TEKT5: variants seen among roughly 807,000 people sequenced by gnomAD.
TEKT5 encodes tektin 5, also known as tektin-5.
In TEKT5, 52 loss-of-function variants were observed where a neutral mutation model predicts 48.7. The observed-to-expected ratio is 1.07, with a 90% CI of 0.86 to 1.35. The LOEUF (loss-of-function observed/expected upper bound fraction) is 1.35. TEKT5 is among the 40% of genes most tolerant of loss of function. The probability of loss-of-function intolerance (pLI) is 0.00; values close to 1 mark genes in which losing one functional copy is unlikely to be tolerated. For synonymous variants in TEKT5, 318 were observed against 267.6 expected, an observed-to-expected ratio of 1.19 and a Z score of -1.84; for missense variants, 831 against 641.6, an observed-to-expected ratio of 1.30 and a Z score of -3.19.
At chr16:10,629,396 A>AC (rs553588102) in intron 6 of TEKT5, among the ~76,000 whole-genome samples, 4 of 152,160 alleles carry the variant, frequency 2.6e-5, no homozygotes, top group African/African-American at 9.6e-5. Context: ...GATTACAGGC[A>AC]CGTGCCGCCA....
In TEKT5 at chr16:10,636,811, C is replaced by CATTATTATTATTATTATT. The variant is rs143109867; in HGVS notation, c.1087-911_1087-894dup. 3.5e-3 allele frequency among the ~76,000 whole-genome samples: 517 copies of CATTATTATTATTATTATT among 147,174 alleles called. 3 individuals carry two copies. Among genetic ancestry groups the CATTATTATTATTATTATT allele is most frequent in the African/African-American group, 0.011 (447 of 39,630 alleles). On this transcript the variant is annotated intron_variant, in intron 5 of 6. Transcript: ENST00000283025. ...AAACTCTGGATCTGTATGTATTTTCCATTATTATTATTATTATTATTTTGA... is the reference window on the plus strand; with the variant it reads ...AAACTCTGGATCTGTATGTATTTTCCATTATTATTATTATTATTATTATTATTATTATTATTATTTTGA...
At chr16:10,645,467 C>T (rs1898056039) in intron 5 of TEKT5, among the ~76,000 whole-genome samples, 1 of 152,048 alleles carries the variant, frequency 6.6e-6, no homozygotes, top group African/African-American at 2.4e-5. Context: ...AGCCGTGATG[C>T]ACCACTGCAC....
chr16:10,678,318 G>C (rs1009715995), intron 4 of TEKT5, among the ~76,000 whole-genome samples: 7 of 152,190 alleles, frequency 4.6e-5, no homozygotes, highest in African/African-American at 1.7e-4. Context: ...AGGATGGTCT[G>C]GATCTCTTGA....
rs1305420331 is a variant in TEKT5, at chr16:10,627,518, TTTTAC to T, written c.*60_*64del. 1.9e-6 allele frequency: 3 copies of T among 1,542,568 alleles called. No homozygotes were observed. The highest frequency in any genetic ancestry group is 8.9e-7 in the Non-Finnish European group (1 of 1,119,464). ...GTCGGCCCTTTCAAACAAAATACTGTTTTACTTTGTTTCTCAGCCTTTTCCAATTT... is the reference window on the plus strand; with the variant it reads ...GTCGGCCCTTTCAAACAAAATACTGTTTTGTTTCTCAGCCTTTTCCAATTT... On this transcript the variant is annotated 3_prime_UTR_variant, in exon 7 of 7. Transcript: ENST00000283025.
At chr16:10,659,587 G>T (rs954955595) in intron 5 of TEKT5, among the ~76,000 whole-genome samples, 4 of 152,078 alleles carry the variant, frequency 2.6e-5, no homozygotes, top group South Asian at 2.1e-4. Context: ...CACCATGTTA[G>T]CCTGACCTCG....
At chr16:10,658,725 T>TTTC (rs1555466065) in intron 5 of TEKT5, among the ~76,000 whole-genome samples, 23 of 129,816 alleles carry the variant, frequency 1.8e-4, no homozygotes, top group South Asian at 2.2e-4. Context: ...TTTCTTTTTC[T>TTTC]TTTTTTTTTT....
At chr16:10,679,471 G>T (rs1898706971) in intron 4 of TEKT5, among the ~76,000 whole-genome samples, 1 of 149,320 alleles carries the variant, frequency 6.7e-6, no homozygotes, top group South Asian at 2.1e-4. Flanking sequence ...AAAAAAAAAA[G>T]GTGTCTACTG....
intron 5 of TEKT5, among the ~76,000 whole-genome samples, chr16:10,641,799 G>A (rs1192411353): frequency 2.6e-5 from 4 of 152,212 alleles, no homozygotes; most frequent in Non-Finnish European, 5.9e-5. Context: ...CCCAGCCTGG[G>A]TGACAGAGTG....
intron 5 of TEKT5, among the ~76,000 whole-genome samples, chr16:10,663,615 G>A (rs1483927237): frequency 6.6e-6 from 1 of 152,202 alleles, no homozygotes; most frequent in East Asian, 1.9e-4. Context: ...TTCAGAGCAT[G>A]AACGCCCCAG....
At chr16:10,631,501 G>A (rs916636674) in intron 6 of TEKT5, among the ~76,000 whole-genome samples, 2 of 152,128 alleles carry the variant, frequency 1.3e-5, no homozygotes, top group African/African-American at 4.8e-5. Context: ...ACATGGAGCG[G>A]ATCGGGTGGT....
chr16:10,627,516 T>C lies in TEKT5; in HGVS notation c.*67A>G, dbSNP rs1897768762. 3.3e-6 allele frequency: 5 copies of C among 1,522,104 alleles called. No individual in the cohort carries two copies. The highest frequency in any genetic ancestry group is 1.4e-5 in the African/African-American group (1 of 72,966). 94.3% of individuals were successfully genotyped at this position (1,522,104 alleles called of 1,614,324 possible). ...AAGTCGGCCCTTTCAAACAAAATACTGTTTTACTTTGTTTCTCAGCCTTTT... is the reference window on the plus strand; with the variant it reads ...AAGTCGGCCCTTTCAAACAAAATACCGTTTTACTTTGTTTCTCAGCCTTTT... On this transcript the variant is annotated 3_prime_UTR_variant, in exon 7 of 7. Transcript: ENST00000283025.
At chr16:10,670,762 C>T (rs949327746) in intron 5 of TEKT5, among the ~76,000 whole-genome samples, 11 of 152,170 alleles carry the variant, frequency 7.2e-5, no homozygotes, top group African/African-American at 2.4e-4. Context: ...TAAATTATGA[C>T]TATTAATAAA....
At chr16:10,649,628 G>A (rs889174556) in intron 5 of TEKT5, among the ~76,000 whole-genome samples, 1 of 151,612 alleles carries the variant, frequency 6.6e-6, no homozygotes, top group African/African-American at 2.4e-5. Context: ...TAGAGACTGG[G>A]TCTCCCCAAG....
At chr16:10,655,683 T>C (rs1303919113) in intron 5 of TEKT5, among the ~76,000 whole-genome samples, 1 of 152,172 alleles carries the variant, frequency 6.6e-6, no homozygotes, top group Non-Finnish European at 1.5e-5. Context: ...AAGTCTCTTT[T>C]AAAAGGGGGT....
At position 10,689,244 on chromosome 16, in the gene TEKT5, AG is replaced by A. The variant is rs1326130496; in HGVS notation, c.719+8del. On this transcript the variant is annotated splice_region_variant and intron_variant, in intron 3 of 6. Transcript: ENST00000283025. ...AGGAGAGGGAATTAAAAAAAAAAAA[AG>A]CCCTTACCGCATCTGGATATCAATT... 24 of 1,580,386 alleles carry A rather than the reference AG, an allele frequency of 1.5e-5. No individual in the cohort carries two copies. The highest frequency in any genetic ancestry group is 1.8e-5 in the Non-Finnish European group (21 of 1,167,806).
intron 5 of TEKT5, among the ~76,000 whole-genome samples, chr16:10,673,569 T>C (rs1202809810): frequency 6.6e-6 from 1 of 151,868 alleles, no homozygotes; most frequent in Non-Finnish European, 1.5e-5. Flanking sequence ...TTCCACTTGA[T>C]GTCACCACCA....
chr16:10,658,730 T>TTTC lies in TEKT5; in HGVS notation c.1086+17228_1086+17229insGAA, dbSNP rs1340173628. On this transcript the variant is annotated intron_variant, in intron 5 of 6. Coordinates refer to ENST00000283025, the MANE Select transcript of TEKT5 (RefSeq NM_144674.2). ...GGACTAGATATTTCTTTTTCTTTTT[T>TTTC]TTTTTGAGACAGAGTCTCACTCTGT... 9.2e-3 allele frequency among the ~76,000 whole-genome samples: 1,392 copies of TTTC among 152,120 alleles called. 32 individuals are homozygous for TTTC. The highest frequency in any genetic ancestry group is 0.029 in the African/African-American group (1,185 of 41,492).
chr16:10,634,718 G>A (rs925497070), intron 6 of TEKT5, among the ~76,000 whole-genome samples: 1 of 152,146 alleles, frequency 6.6e-6, no homozygotes, highest in Non-Finnish European at 1.5e-5. Context: ...CTTCTGGTTT[G>A]CATGCTTTGT....
intron 4 of TEKT5, among the ~76,000 whole-genome samples, chr16:10,679,757 C>T (rs182544598): frequency 8.0e-4 from 122 of 152,026 alleles, no homozygotes; most frequent in African/African-American, 2.3e-3. Context: ...TTTAGCTGGG[C>T]GTGATGGCAC....
Sources: allele counts gnomAD v4.1 joint callset (sites outside exome capture counted in the v4.1 genomes callset), GRCh38; gene constraint gnomAD v4.1.1; transcripts MANE v1.5; gene names NCBI Gene and HGNC (gene_info 2026-07-23, HGNC 2026-07-21).